The following MAP3K19 variants were observed in gnomAD, a reference collection of about 807,000 sequenced individuals.
MAP3K19 encodes mitogen-activated protein kinase kinase kinase 19, also known as SPS1/STE20-related protein kinase YSK4.
In MAP3K19, 91 loss-of-function variants were observed where a neutral mutation model predicts 114.4. That is an observed-to-expected ratio of 0.80 (90% CI 0.67 to 0.95). The LOEUF is 0.95. MAP3K19 is among the 40% of genes least tolerant of loss of function. MAP3K19 has a pLI of 0.00. For missense variants in MAP3K19, 1,471 were observed against 1,573.2 expected, an observed-to-expected ratio of 0.94 and a Z score of 1.10; for synonymous variants, 518 against 530.5, an observed-to-expected ratio of 0.98 and a Z score of 0.32.
At position 134,984,990 on chromosome 2, in the gene MAP3K19, T is replaced by C. The variant is rs1356725272; in HGVS notation, c.3072+810A>G. On this transcript the variant is annotated intron_variant, in intron 10 of 12. Coordinates refer to ENST00000392915, the MANE Select transcript of MAP3K19 (RefSeq NM_025052.5). ...TCCTGATCCTGATATAGTGTGGATA[T>C]AGTGCAGTATGACCTGAGTTAGTGT... 2.0e-5 allele frequency among the ~76,000 whole-genome samples: 3 copies of C among 152,218 alleles called. No individual in the cohort carries two copies. The East Asian group carries it at 5.8e-4, about 29-fold the overall frequency.
chr2:134,996,764 G>T (rs1686021117), intron 8 of MAP3K19, among the ~76,000 whole-genome samples: 1 of 152,220 alleles, frequency 6.6e-6, no homozygotes, highest in South Asian at 2.1e-4. Context: ...GCTGAACACG[G>T]TGGCTCATGC....
At chr2:135,039,587 C>CAAAA (rs1272708569) in intron 2 of MAP3K19, among the ~76,000 whole-genome samples, 1 of 151,990 alleles carries the variant, frequency 6.6e-6, no homozygotes, top group Non-Finnish European at 1.5e-5. Context: ...TCTCAAAAAA[C>CAAAA]AAAACAAACA....
At position 134,999,979 on chromosome 2, in the gene MAP3K19, C is replaced by G; in HGVS notation, c.272G>C (p.Ser91Thr). 6.2e-7 allele frequency: 1 copy of G among 1,611,946 alleles called. No individual in the cohort carries two copies. The highest frequency in any genetic ancestry group is 8.5e-7 in the Non-Finnish European group (1 of 1,178,066). The change falls in exon 7 of 13, where the codon AGT (serine) becomes ACT (threonine). Residue 91 changes from serine (S) to threonine (T), a missense_variant. Coordinates refer to ENST00000392915, the MANE Select transcript of MAP3K19 (RefSeq NM_025052.5). The surrounding 1 kb of genome is among the most constrained non-coding windows in gnomAD (Gnocchi z 4.1). ...EITVTFPRDV[S>T]PPQEMSQEDL... is the part of the protein sequence containing the mutation. ...TTCTTGGCTCATTTCTTGGGGAGGA[C>G]TGACATCTCTTGGAAAAGTTACAGT... is the stretch of plus-strand genomic sequence containing the variant.
At chr2:134,976,720 GTAT>G (rs1256391974) in intron 12 of MAP3K19, among the ~76,000 whole-genome samples, 2 of 149,170 alleles carry the variant, frequency 1.3e-5, no homozygotes, top group African/African-American at 5.0e-5. Context: ...TTGTATAAAA[GTAT>G]TATATTTTGT....
chr2:135,018,268 T>C (rs1687715736), intron 5 of MAP3K19, among the ~76,000 whole-genome samples: 1 of 135,898 alleles, frequency 7.4e-6, no homozygotes, highest in Admixed American at 8.2e-5. Context: ...TCCAGCAGCC[T>C]TGGCAACAAC....
chr2:135,025,033 TA>T (rs1165652773), intron 3 of MAP3K19, among the ~76,000 whole-genome samples: 1 of 152,140 alleles, frequency 6.6e-6, no homozygotes, highest in East Asian at 1.9e-4. Flanking sequence ...TAAGGGTACA[TA>T]AAATCAAGTA....
rs142541252 is a variant in MAP3K19 at position 135,038,165 on chromosome 2, A to G, written c.-284+2198T>C. ...GCATTTTTAAATGCTGATGGAAAGAAGCATCATTGTTTGTAATGACAAGAA... is the reference window on the plus strand; with the variant it reads ...GCATTTTTAAATGCTGATGGAAAGAGGCATCATTGTTTGTAATGACAAGAA... On this transcript the variant is annotated intron_variant, in intron 2 of 12. Transcript: ENST00000392915. Among the ~76,000 whole-genome samples, 31 of 152,276 alleles carry G rather than the reference A, an allele frequency of 2.0e-4. 1 individual carries two copies. The South Asian group carries it at 5.2e-3, about 25-fold the overall frequency.
intron 12 of MAP3K19, among the ~76,000 whole-genome samples, chr2:134,973,608 T>C (rs1684019655): frequency 1.3e-5 from 2 of 152,226 alleles, no homozygotes; most frequent in Non-Finnish European, 2.9e-5. Flanking sequence ...CCATTTATGT[T>C]CTTATTCCTG....
rs141899370 is a variant in MAP3K19, at chr2:134,998,897, G to C, written c.415C>G (p.Arg139Gly). 7.4e-6 allele frequency: 12 copies of C among 1,614,022 alleles called. No individual in the cohort carries two copies. Among genetic ancestry groups the C allele is most frequent in the African/African-American group, 1.3e-5 (1 of 74,904 alleles). Residue 139 changes from arginine to glycine, a missense_variant, in exon 8 of 13, where the codon CGG becomes GGG. Arg to Gly is a moderately radical substitution (Grantham distance 125). Transcript: ENST00000392915. Reference protein sequence around the residue: ...VELRKKKLTMRPLVLQKEESS... With the variant: ...VELRKKKLTMGPLVLQKEESS... ...TCCTCTTTTTGCAAAACTAAGGGCC[G>C]CATGGTCAGCTTCTTTTTCCTGAGC...
At chr2:134,991,233 G>A (rs932903524) in intron 9 of MAP3K19, 7 of 310,118 alleles carry the variant, frequency 2.3e-5, no homozygotes, top group South Asian at 1.0e-4. Context: ...CCCGGGAGGC[G>A]GAGCTTGCAG....
chr2:135,042,277 C>T (rs377277901), intron 1 of MAP3K19, among the ~76,000 whole-genome samples: 6 of 151,236 alleles, frequency 4.0e-5, no homozygotes, highest in Admixed American at 1.3e-4. Flanking sequence ...CCGAGGCGGG[C>T]GGATCACGAG....
At position 134,986,914 on chromosome 2, in the gene MAP3K19, A is replaced by T. The variant is rs754376798; in HGVS notation, c.1958T>A (p.Ile653Asn). 1.2e-6 allele frequency: 2 copies of T among 1,613,936 alleles called. No homozygotes were observed. The highest frequency in any genetic ancestry group is 1.7e-5 in the Admixed American group (1 of 60,006). Residue 653 changes from isoleucine (I) to asparagine (N), a missense_variant, in exon 10 of 13, where the codon ATC (isoleucine) becomes AAC (asparagine). Coordinates refer to ENST00000392915, the MANE Select transcript of MAP3K19 (RefSeq NM_025052.5). ...DLKYSDMFKE[I>N]NSTANGPGIY... ...TCCAGGTCCATTAGCAGTTGAATTG[A>T]TTTCTTTGAACATATCACTATACTT...
At chr2:135,032,249 C>A (rs999183753) in intron 2 of MAP3K19, among the ~76,000 whole-genome samples, 5 of 150,900 alleles carry the variant, frequency 3.3e-5, no homozygotes, top group African/African-American at 1.2e-4. Flanking sequence ...CCCAGCTATT[C>A]GGGAGGCTGA....
intron 4 of MAP3K19, among the ~76,000 whole-genome samples, chr2:135,022,035 A>ATT (rs78779326): frequency 5.3e-5 from 8 of 151,470 alleles, no homozygotes; most frequent in African/African-American, 1.7e-4. Context: ...ATGGCTTACT[A>ATT]TTTTTTTTTA....
At chr2:135,024,366 C>T (rs1242678593) in intron 4 of MAP3K19, among the ~76,000 whole-genome samples, 1 of 146,510 alleles carries the variant, frequency 6.8e-6, no homozygotes, top group African/African-American at 2.6e-5. Flanking sequence ...CTTCCCCTTT[C>T]AAGTTTACAG....
chr2:134,983,434 G>A (rs1383871827), intron 11 of MAP3K19: 9 of 595,464 alleles, frequency 1.5e-5, no homozygotes, highest in South Asian at 1.1e-4. Context: ...TGATGACATT[G>A]TCTGATCCCT....
intron 5 of MAP3K19, among the ~76,000 whole-genome samples, chr2:135,016,630 A>G (rs371769803): frequency 5.9e-5 from 9 of 152,288 alleles, no homozygotes; most frequent in Non-Finnish European, 1.0e-4. Flanking sequence ...AAATTTTCCA[A>G]TCCACTAACA....
chr2:134,987,715 A>C lies in MAP3K19; in HGVS notation c.1157T>G (p.Ile386Arg), dbSNP rs889353724. 2.5e-6 allele frequency: 4 copies of C among 1,611,986 alleles called. No homozygotes were observed. Among genetic ancestry groups the C allele is most frequent in the African/African-American group, 2.7e-5 (2 of 74,872 alleles). The change falls in exon 10 of 13, where the codon ATA (isoleucine) becomes AGA (arginine). Residue 386 changes from isoleucine (I) to arginine (R), a missense_variant. Ile to Arg is a moderately conservative substitution (Grantham distance 97, BLOSUM62 -3). Coordinates refer to ENST00000392915, the MANE Select transcript of MAP3K19 (RefSeq NM_025052.5). ...GAACTTGCTTGGAATGGTACATACT[A>C]TTTCTGGATCTTGTTCATAGTTTTT... ...VAKNYEQDPEIVCTIPSKFQE... is the reference protein window; with the variant it reads ...VAKNYEQDPERVCTIPSKFQE...
intron 2 of MAP3K19, among the ~76,000 whole-genome samples, chr2:135,040,070 G>T (rs895159774): frequency 2.6e-5 from 4 of 152,116 alleles, no homozygotes; most frequent in African/African-American, 9.7e-5. Context: ...ATCATGTGGC[G>T]CCATTAGACC....
Sources: allele counts gnomAD v4.1 joint callset (sites outside exome capture counted in the v4.1 genomes callset), GRCh38; gene constraint gnomAD v4.1.1; non-coding constraint Gnocchi (gnomAD v3.1); transcripts MANE v1.5; gene names NCBI Gene and HGNC (gene_info 2026-07-23, HGNC 2026-07-21).